CAPN14: variants seen among roughly 807,000 people sequenced by gnomAD.
CAPN14 encodes calpain-14.
Under a neutral mutation model 101.3 loss-of-function variants are expected in CAPN14, and 94 were observed. That is an observed-to-expected ratio of 0.93 (90% confidence interval 0.79 to 1.10). The LOEUF (loss-of-function observed/expected upper bound fraction) is 1.10, where lower values mean the gene tolerates loss of function less well. Ranked by LOEUF, CAPN14 falls within the 50% of genes least tolerant of loss-of-function variation. The pLI is 0.00. For missense variants in CAPN14, 837 were observed against 828.4 expected (o/e 1.01, Z -0.13); for synonymous variants, 338 against 317.9 (o/e 1.06, Z -0.67).
rs1028464579 is a variant in CAPN14 at position 31,183,173 on chromosome 2, AC to A, written c.1646-2174del. 1.9e-3 allele frequency among the ~76,000 whole-genome samples: 290 copies of A among 151,858 alleles called. 2 individuals carry two copies. The highest frequency in any genetic ancestry group is 6.6e-3 in the African/African-American group (276 of 41,556). The stretch of plus-strand genomic sequence containing the variant: ...ACTGGATCCCTTCCTTACACCTTAT[AC>A]AAAAATTAATTCAAGATGGATTAAA... On this transcript the variant is annotated intron_variant, in intron 16 of 21. Transcript: ENST00000403897.
chr2:31,183,321 C>A (rs1680742882), intron 16 of CAPN14, among the ~76,000 whole-genome samples: 2 of 152,042 alleles, frequency 1.3e-5, no homozygotes, highest in South Asian at 4.1e-4. Context: ...GCAACAAAAG[C>A]CAAAATTGAA....
At position 31,203,062 on chromosome 2, in the gene CAPN14, A is replaced by T; in HGVS notation, c.295+8T>A. 1 of 1,551,320 alleles carries T rather than the reference A, an allele frequency of 6.4e-7. No homozygotes were observed. Among genetic ancestry groups the T allele is most frequent in the Non-Finnish European group, 8.7e-7 (1 of 1,146,714 alleles). On this transcript the variant is annotated splice_region_variant and intron_variant, in intron 3 of 21. Coordinates refer to ENST00000403897, the MANE Select transcript of CAPN14 (RefSeq NM_001145122.2). ...TAGTGTCTGTCTCTCGGGGCTGTGC[A>T]AACTTACCTACTATCCCCTGGCACA...
At chr2:31,190,735 T>G in intron 12 of CAPN14, among the ~76,000 whole-genome samples, 1 of 152,210 alleles carries the variant, frequency 6.6e-6, no homozygotes, top group East Asian at 1.9e-4. Flanking sequence ...ACAAAGACCC[T>G]GCGTAAAATG....
chr2:31,206,460 C>G (rs1033659247), intron 1 of CAPN14, among the ~76,000 whole-genome samples: 15 of 152,322 alleles, frequency 9.8e-5, no homozygotes, highest in African/African-American at 3.1e-4. Context: ...GCCATGTTGG[C>G]CAGGCTGGTC....
At chr2:31,177,709 C>T (rs748549001) in intron 19 of CAPN14, 37 bp downstream of exon 19, 50 of 1,459,794 alleles carry the variant, frequency 3.4e-5, no homozygotes, top group East Asian at 9.9e-5. Context: ...GCACCCTGCC[C>T]GTGTGTGCCC....
intron 16 of CAPN14, among the ~76,000 whole-genome samples, chr2:31,181,673 TC>T (rs1388904340): frequency 2.1e-5 from 1 of 47,546 alleles, no homozygotes; most frequent in Non-Finnish European, 3.6e-5. Flanking sequence ...CCCTCCCCCC[TC>T]CCCCCACCCC....
chr2:31,178,503 G>A lies in CAPN14; in HGVS notation c.1779+8C>T, dbSNP rs1346389200. On this transcript the variant is annotated splice_region_variant and intron_variant, in intron 18 of 21. Transcript: ENST00000403897. ...TTCCAAAGAGGTGTGGTTAAGACTT[G>A]TTCTTACCTGAGAGAGCTTCAGCTG... 6.5e-7 allele frequency: 1 copy of A among 1,549,340 alleles called. No homozygotes were observed. The highest frequency in any genetic ancestry group is 1.7e-4 in the Middle Eastern group (1 of 5,990).
intron 1 of CAPN14, among the ~76,000 whole-genome samples, chr2:31,209,345 A>G (rs1429011313): frequency 6.6e-6 from 1 of 152,044 alleles, no homozygotes; most frequent in African/African-American, 2.4e-5. Context: ...CATACTGGCT[A>G]TTCTCCCCTT....
chr2:31,193,722 T>A (rs1291107069), intron 9 of CAPN14, among the ~76,000 whole-genome samples: 1 of 152,242 alleles, frequency 6.6e-6, no homozygotes, highest in African/African-American at 2.4e-5. Flanking sequence ...CCTGCGACAC[T>A]CTATTTAAGC....
At chr2:31,218,459 G>A (rs181382171), upstream of CAPN14, among the ~76,000 whole-genome samples, 939 of 152,170 alleles carry the variant, frequency 6.2e-3, 9 homozygotes, top group Non-Finnish European at 6.5e-3. Context: ...CTGCTTCTTG[G>A]CCTCTGCCTT....
chr2:31,216,600 C>CT (rs1682654161), intron 1 of CAPN14, among the ~76,000 whole-genome samples: 1 of 152,070 alleles, frequency 6.6e-6, no homozygotes, highest in South Asian at 2.1e-4. Flanking sequence ...AATTCTCCCC[C>CT]TAGAAAGTCA....
intron 10 of CAPN14, 127 bp downstream of exon 10, chr2:31,193,004 T>C (rs549031399): frequency 3.2e-6 from 3 of 945,990 alleles, no homozygotes; most frequent in African/African-American, 1.6e-5. Context: ...CAACACACAG[T>C]GAGGCAAGCA....
rs764024066 is a variant in CAPN14 at position 31,202,142 on chromosome 2, G to A, written c.406C>T (p.Arg136Trp). ...SFTEKYAGIF[R>W]FWFWHYGNWV... ...CCCGGGAAGACACTCACCCAGAACC[G>A]GAAGATGCCAGCATACTTCTCAGTG... is the stretch of plus-strand genomic sequence containing the variant. Residue 136 changes from arginine (R) to tryptophan (W), a missense_variant, in exon 4 of 22, where the codon CGG becomes TGG. Physicochemically the swap from Arg to Trp is moderately radical, Grantham distance 101. Transcript: ENST00000403897. 1.2e-5 allele frequency: 18 copies of A among 1,551,750 alleles called. No homozygotes were observed. Among genetic ancestry groups the A allele is most frequent in the Middle Eastern group, 1.7e-4 (1 of 5,992 alleles).
chr2:31,185,053 C>A lies in CAPN14; in HGVS notation c.1645+1375G>T, dbSNP rs1480002099. ...TTTCATCTTTTTGGTTTGGGCACAG[C>A]TTGTTGAAAACATTCTGAATTTCAA... On this transcript the variant is annotated intron_variant, in intron 16 of 21. Coordinates refer to ENST00000403897, the MANE Select transcript of CAPN14 (RefSeq NM_001145122.2). Among the ~76,000 whole-genome samples, 5 of 152,192 alleles carry A rather than the reference C, an allele frequency of 3.3e-5. No individual in the cohort carries two copies. In the East Asian group the frequency reaches 7.7e-4, roughly 23 times the overall value.
chr2:31,181,629 G>A (rs1680637281), intron 16 of CAPN14, among the ~76,000 whole-genome samples: 3 of 146,566 alleles, frequency 2.0e-5, no homozygotes, highest in South Asian at 2.2e-4. Context: ...CCATTAACTC[G>A]TCATTTAGCA....
intron 21 of CAPN14, among the ~76,000 whole-genome samples, chr2:31,176,169 G>A (rs1680276487): frequency 6.6e-6 from 1 of 152,144 alleles, no homozygotes; most frequent in East Asian, 1.9e-4. Flanking sequence ...ATTTCCCTGG[G>A]AAGAACAAAC....
intron 8 of CAPN14, among the ~76,000 whole-genome samples, chr2:31,195,154 G>T (rs12105603): frequency 2.0e-5 from 3 of 151,800 alleles, no homozygotes; most frequent in East Asian, 1.9e-4. Context: ...CAAAGTATCC[G>T]AAAGGAGGGG....
chr2:31,194,360 G>A (rs1222585540), intron 9 of CAPN14, 49 bp downstream of exon 9: 1 of 1,427,696 alleles, frequency 7.0e-7, no homozygotes, highest in African/African-American at 1.4e-5. Context: ...TGCTGGATGG[G>A]TTTTCAAATG....
At chr2:31,175,725 G>A (rs1394973671) in intron 21 of CAPN14, among the ~76,000 whole-genome samples, 2 of 152,182 alleles carry the variant, frequency 1.3e-5, no homozygotes, top group Non-Finnish European at 2.9e-5. Context: ...CTACAGCTTG[G>A]AAAGCAATTC....
Sources: gnomAD v4.1 joint callset for allele counts (sites outside exome capture counted in the v4.1 genomes callset) on GRCh38, gnomAD v4.1.1 for gene constraint, MANE v1.5 for transcripts, NCBI Gene and HGNC (gene_info 2026-07-23, HGNC 2026-07-21) for gene names.